TSPAN18: variants seen among roughly 807,000 people sequenced by gnomAD.
TSPAN18 encodes the protein tetraspanin 18.
In TSPAN18, 14 loss-of-function variants were observed where a neutral mutation model predicts 27.3. That is an observed-to-expected ratio of 0.51 (90% confidence interval 0.34 to 0.80). The LOEUF is 0.80. Among genes scored for constraint, TSPAN18 ranks in the 30% least tolerant of loss-of-function variants. The pLI, the probability that TSPAN18 is intolerant of heterozygous loss-of-function variation, is 0.01. For synonymous variants in TSPAN18, 143 were observed against 136.5 expected (o/e 1.05, Z -0.33); for missense variants, 268 against 323.9 (o/e 0.83, Z 1.32).
rs990923123 is a variant in TSPAN18 at position 44,807,977 on chromosome 11, G to A, written c.-153+43465G>A. Among the ~76,000 whole-genome samples the A allele has an allele frequency of 3.3e-5, 5 of 152,142 alleles. No individual in the cohort carries two copies. In the East Asian group the frequency reaches 9.6e-4, roughly 29 times the overall value. On this transcript the variant is annotated intron_variant, in intron 2 of 9. Coordinates refer to ENST00000520358, the MANE Select transcript of TSPAN18 (RefSeq NM_130783.5). ...GGCTGAGTTCCGAGGCTCTGAGCTG[G>A]GGATCTCCCCTAGAATGTGGGACCC...
intron 2 of TSPAN18, among the ~76,000 whole-genome samples, chr11:44,788,430 T>C (rs553475950): frequency 1.6e-3 from 244 of 151,784 alleles, no homozygotes; most frequent in African/African-American, 5.2e-3. Context: ...TCAGTGCAGG[T>C]TGGAGGATGG....
chr11:44,729,196 G>T (rs906442281), intron 1 of TSPAN18, among the ~76,000 whole-genome samples: 4 of 152,208 alleles, frequency 2.6e-5, no homozygotes, highest in African/African-American at 9.7e-5. Flanking sequence ...GAAAGGAAAG[G>T]GTGGAGAAGC....
chr11:44,777,486 G>A (rs992748730), intron 2 of TSPAN18, among the ~76,000 whole-genome samples: 7 of 152,162 alleles, frequency 4.6e-5, no homozygotes, highest in Admixed American at 1.3e-4. Flanking sequence ...GGACCCCTCC[G>A]GAATTCTGTG....
intron 3 of TSPAN18, among the ~76,000 whole-genome samples, chr11:44,891,171 C>T (rs943704697): frequency 6.6e-6 from 1 of 152,146 alleles, no homozygotes; most frequent in Non-Finnish European, 1.5e-5. Context: ...ACCCTGTCCC[C>T]CAAGATAAAG....
intron 2 of TSPAN18, chr11:44,859,596 C>T (rs1292993336): frequency 6.6e-6 from 1 of 152,220 alleles, no homozygotes; most frequent in Non-Finnish European, 1.5e-5. Flanking sequence ...TTTGTCTGGG[C>T]TTGAGCAGAA....
At chr11:44,862,116 C>G (rs934987133) in intron 3 of TSPAN18, among the ~76,000 whole-genome samples, 1 of 152,138 alleles carries the variant, frequency 6.6e-6, no homozygotes, top group African/African-American at 2.4e-5. Flanking sequence ...CGCAGCCTTG[C>G]TTATCTGAAG....
At chr11:44,815,781 A>AGGAGC in intron 2 of TSPAN18, among the ~76,000 whole-genome samples, 1 of 152,076 alleles carries the variant, frequency 6.6e-6, no homozygotes, top group Non-Finnish European at 1.5e-5. Context: ...CTTCTCTTGG[A>AGGAGC]GGAGCGGGCA....
rs1211480845 is a variant in TSPAN18, at chr11:44,926,698, A to G, written c.640A>G (p.Thr214Ala). 3.1e-6 allele frequency: 5 copies of G among 1,613,854 alleles called. No individual in the cohort carries two copies. The highest frequency in any genetic ancestry group is 8.5e-7 in the Non-Finnish European group (1 of 1,179,964). ...GGGCTGTTACACGGTGATCCTCAAC[A>G]CCTTCGAGACCTACGTCTACTTGGC... ...KQGCYTVILN[T>A]FETYVYLAGA... Residue 214 changes from threonine (T) to alanine (A), a missense_variant, in exon 9 of 10, where the codon ACC becomes GCC. Physicochemically the swap from Thr to Ala is moderately conservative, Grantham distance 58. Transcript: ENST00000520358.
rs1343527397 is a variant in TSPAN18 at position 44,919,996 on chromosome 11, G to T, written c.612G>T (p.Lys204Asn). Residue 204 changes from lysine (K) to asparagine (N), a missense_variant, in exon 8 of 10, where the codon AAG becomes AAT. Coordinates refer to ENST00000520358, the MANE Select transcript of TSPAN18 (RefSeq NM_130783.5). The part of the protein sequence containing the change: ...CLLGRSLFLN[K>N]QGCYTVILNT... ...TGGGAAGGAGCCTATTCCTAAACAA[G>T]CAGGTACTGGCCCTGCTCTCCAGAC... 6.2e-7 allele frequency: 1 copy of T among 1,612,952 alleles called. No homozygotes were observed. The highest frequency in any genetic ancestry group is 1.3e-5 in the African/African-American group (1 of 74,864).
intron 2 of TSPAN18, among the ~76,000 whole-genome samples, chr11:44,795,962 A>G (rs1856340030): frequency 6.6e-6 from 1 of 151,748 alleles, no homozygotes; most frequent in Non-Finnish European, 1.5e-5. Context: ...ACCTGTCCCA[A>G]ACCTCAGGGG....
intron 3 of TSPAN18, among the ~76,000 whole-genome samples, chr11:44,898,857 A>G (rs1248116829): frequency 6.6e-6 from 1 of 152,246 alleles, no homozygotes; most frequent in East Asian, 1.9e-4. Context: ...ATTAAGTTTC[A>G]ATATGACTTT....
chr11:44,776,640 A>G (rs1378666265), intron 2 of TSPAN18, among the ~76,000 whole-genome samples: 1 of 152,136 alleles, frequency 6.6e-6, no homozygotes, highest in Non-Finnish European at 1.5e-5. Context: ...CAGAACTTGC[A>G]GCTGGAATGT....
At chr11:44,782,368 C>T (rs1855957747) in intron 2 of TSPAN18, among the ~76,000 whole-genome samples, 1 of 151,850 alleles carries the variant, frequency 6.6e-6, no homozygotes, top group South Asian at 2.1e-4. Context: ...ATGGTGAAAC[C>T]CCATCTCTAC....
chr11:44,917,927 C>G (rs749475454), intron 5 of TSPAN18, 45 bp from the exon 6 acceptor site: 1 of 1,599,866 alleles, frequency 6.3e-7, no homozygotes, highest in South Asian at 1.1e-5. Flanking sequence ...CCGCCCCATC[C>G]CCTGCCTGCC....
At chr11:44,803,517 C>T (rs1410007346) in intron 2 of TSPAN18, among the ~76,000 whole-genome samples, 2 of 152,124 alleles carry the variant, frequency 1.3e-5, no homozygotes, top group African/African-American at 4.8e-5. Flanking sequence ...GGTTTTGGAC[C>T]AGGCCAGTGG....
chr11:44,894,474 G>T lies in TSPAN18; in HGVS notation c.-10-11933G>T, dbSNP rs185627287. ...CTCTAGAAAGCATGCCTGGGGGCGG[G>T]GGGGAGTGAAAGTAAAAGGAGTGAT... On this transcript the variant is annotated intron_variant, in intron 3 of 9. Transcript: ENST00000520358. Among the ~76,000 whole-genome samples, 10 of 152,344 alleles carry T rather than the reference G, an allele frequency of 6.6e-5. No homozygotes were observed. In the South Asian group the frequency reaches 8.3e-4, roughly 13 times the overall value.
chr11:44,804,632 G>A (rs1037099552), intron 2 of TSPAN18, among the ~76,000 whole-genome samples: 5 of 152,186 alleles, frequency 3.3e-5, no homozygotes, highest in African/African-American at 9.7e-5. Flanking sequence ...GGCGAGCAGC[G>A]ATGAGGGATT....
Position 44,727,071 on chromosome 11 carries a change from A to AGCCCCGGCCCCGGCCCCGGCCCCG in TSPAN18, c.-442_-419dup, listed in dbSNP as rs765673237. 1.3e-5 allele frequency: 1 copy of AGCCCCGGCCCCGGCCCCGGCCCCG among 74,260 alleles called. No homozygotes were observed. The highest frequency in any genetic ancestry group is 3.2e-5 in the African/African-American group (1 of 31,110). The allele number at this position is 74,260 out of a possible 1,614,324, so 4.6% of individuals were successfully genotyped here. Reference sequence around the variant, plus strand: ...GAGCCCCAGCCCCGGCCCCGGCCCCAGCCCCGGCCCCGGCCCCGGCCCCGG... The same window carrying AGCCCCGGCCCCGGCCCCGGCCCCG: ...GAGCCCCAGCCCCGGCCCCGGCCCCAGCCCCGGCCCCGGCCCCGGCCCCGGCCCCGGCCCCGGCCCCGGCCCCGG... On this transcript the variant is annotated 5_prime_UTR_variant, in exon 1 of 10. Coordinates refer to ENST00000520358, the MANE Select transcript of TSPAN18 (RefSeq NM_130783.5).
chr11:44,823,307 T>C (rs1024130810), intron 2 of TSPAN18, among the ~76,000 whole-genome samples: 9 of 152,124 alleles, frequency 5.9e-5, no homozygotes, highest in African/African-American at 2.2e-4. Context: ...TGCTGACAAT[T>C]CAAAGGGTGA....
Sources: gnomAD v4.1 joint callset for allele counts (sites outside exome capture counted in the v4.1 genomes callset) on GRCh38, gnomAD v4.1.1 for gene constraint, MANE v1.5 for transcripts, NCBI Gene and HGNC (gene_info 2026-07-23, HGNC 2026-07-21) for gene names.